The following MAGI3 variants were observed in gnomAD, a reference collection of about 807,000 sequenced individuals.
MAGI3 encodes the protein membrane associated guanylate kinase, WW and PDZ domain containing 3.
In MAGI3, 43 loss-of-function variants were observed where a neutral mutation model predicts 121.8. The observed-to-expected ratio is 0.35, with a 90% confidence interval of 0.28 to 0.46. The LOEUF (loss-of-function observed/expected upper bound fraction) is 0.46, where lower values mean the gene tolerates loss of function less well. Among genes scored for constraint, MAGI3 ranks in the 20% least tolerant of loss-of-function variants. The pLI is 1.00. For synonymous variants in MAGI3, 553 were observed against 639.3 expected (o/e 0.86, Z 2.04); for missense variants, 1,547 against 1,797.3 (o/e 0.86, Z 2.52).
intron 1 of MAGI3, among the ~76,000 whole-genome samples, chr1:113,524,369 T>C (rs12021500): frequency 0.24 from 36,613 of 151,660 alleles, 5,076 homozygotes; most frequent in East Asian, 0.63. Flanking sequence ...CCAGAAAAGC[T>C]GCAGACACTC....
rs565491283 is a variant in MAGI3, at chr1:113,495,492, T to C, written c.317-54023T>C. On this transcript the variant is annotated intron_variant, in intron 1 of 20. Transcript: ENST00000307546. ...AGTGTACACTGTACTCAGTGTGTAG[T>C]CTTTTATCCCTAACTCCTCTTCCAC... is the stretch of plus-strand genomic sequence containing the variant. 5.9e-5 allele frequency among the ~76,000 whole-genome samples: 9 copies of C among 152,194 alleles called. No individual in the cohort carries two copies. The East Asian group carries it at 1.5e-3, about 26-fold the overall frequency.
intron 2 of MAGI3, among the ~76,000 whole-genome samples, chr1:113,562,723 A>T (rs986866847): frequency 6.6e-6 from 1 of 152,188 alleles, no homozygotes; most frequent in African/African-American, 2.4e-5. Context: ...ATCAGTAAGA[A>T]TAGCTAATGA....
intron 6 of MAGI3, among the ~76,000 whole-genome samples, chr1:113,608,560 C>T (rs559604876): frequency 9.2e-5 from 14 of 152,278 alleles, no homozygotes; most frequent in African/African-American, 2.4e-4. Flanking sequence ...CTCCTCCCAA[C>T]GGGCAGACAT....
At chr1:113,525,338 C>G (rs1260379456) in intron 1 of MAGI3, among the ~76,000 whole-genome samples, 3 of 152,092 alleles carry the variant, frequency 2.0e-5, no homozygotes, top group Non-Finnish European at 4.4e-5. Context: ...ACTCTTCAGT[C>G]TGTTAATTTA....
chr1:113,633,238 ATTTTTTTTTTTTTTTTTTTTTTTTTTTT>A (rs71090716), intron 9 of MAGI3, among the ~76,000 whole-genome samples: 9 of 56,642 alleles, frequency 1.6e-4, no homozygotes, highest in African/African-American at 2.7e-4. Context: ...TGAACTCATC[ATTTTTTTTTTTTTTTTTTTTTTTTTTTT>A]TTTTTTTTTT....
chr1:113,640,943 A>AAT (rs1652427045), intron 9 of MAGI3, among the ~76,000 whole-genome samples: 1 of 134,838 alleles, frequency 7.4e-6, no homozygotes, highest in Non-Finnish European at 1.6e-5. Context: ...CATATATATA[A>AAT]ATATATATAA....
At chr1:113,405,462 G>A (rs1404000954) in intron 1 of MAGI3, among the ~76,000 whole-genome samples, 1 of 91,240 alleles carries the variant, frequency 1.1e-5, no homozygotes, top group Non-Finnish European at 1.9e-5. Flanking sequence ...GGGCAACAGA[G>A]TGAAACTGTC....
intron 1 of MAGI3, among the ~76,000 whole-genome samples, chr1:113,477,860 A>C (rs909075825): frequency 6.6e-6 from 1 of 152,196 alleles, no homozygotes. Flanking sequence ...ACTTTCAGGT[A>C]CACCAATCAA....
chr1:113,536,062 T>C (rs1250246200), intron 1 of MAGI3, among the ~76,000 whole-genome samples: 1 of 152,020 alleles, frequency 6.6e-6, no homozygotes, highest in Non-Finnish European at 1.5e-5. Flanking sequence ...CCAACTATTA[T>C]GGCTTCTACC....
At position 113,683,500 on chromosome 1, in the gene MAGI3, G is replaced by A; in HGVS notation, c.3932G>A (p.Gly1311Asp). 6.2e-7 allele frequency: 1 copy of A among 1,613,944 alleles called. No individual in the cohort carries two copies. Among genetic ancestry groups the A allele is most frequent in the Non-Finnish European group, 8.5e-7 (1 of 1,179,892 alleles). ...PSNAEAKLLEGKSRRIAGYTG... is the reference protein window; with the variant it reads ...PSNAEAKLLEDKSRRIAGYTG... Reference sequence around the variant, plus strand: ...AATGCTGAGGCCAAATTATTAGAGGGTAAGAGTCGAAGAATAGCAGGCTAT... The same window carrying A: ...AATGCTGAGGCCAAATTATTAGAGGATAAGAGTCGAAGAATAGCAGGCTAT... The change falls in exon 21 of 21, where the codon GGT (glycine) becomes GAT (aspartate). Residue 1311 changes from glycine to aspartate, a missense_variant. Physicochemically the swap from Gly to Asp is moderately conservative, Grantham distance 94. Transcript: ENST00000307546.
At chr1:113,574,829 A>G (rs1283832919) in intron 2 of MAGI3, among the ~76,000 whole-genome samples, 1 of 152,100 alleles carries the variant, frequency 6.6e-6, no homozygotes, top group Non-Finnish European at 1.5e-5. Context: ...ATACCAGTCA[A>G]TCATAGGTTT....
In MAGI3 at chr1:113,671,729, A is replaced by T; in HGVS notation, c.2816-5A>T. 1 of 1,613,742 alleles carries T rather than the reference A, an allele frequency of 6.2e-7. No individual in the cohort carries two copies. Among genetic ancestry groups the T allele is most frequent in the Non-Finnish European group, 8.5e-7 (1 of 1,179,662 alleles). ...CTTATTTCTATTGTTTTCTCATTTG[A>T]ACAGAGCATCATGGTCCACCATCAG... On this transcript the variant is annotated splice_polypyrimidine_tract_variant and splice_region_variant and intron_variant, in intron 16 of 20. Transcript: ENST00000307546.
chr1:113,486,261 G>A (rs749269260), intron 1 of MAGI3, among the ~76,000 whole-genome samples: 25 of 152,096 alleles, frequency 1.6e-4, no homozygotes, highest in Non-Finnish European at 2.8e-4. Flanking sequence ...GTTTGATATT[G>A]GGAATTGCAT....
At chr1:113,646,273 T>A (rs966988749) in intron 11 of MAGI3, among the ~76,000 whole-genome samples, 8 of 152,212 alleles carry the variant, frequency 5.3e-5, no homozygotes, top group African/African-American at 1.9e-4. Flanking sequence ...TTGATATTAC[T>A]ATAAACTTTT....
intron 1 of MAGI3, among the ~76,000 whole-genome samples, chr1:113,402,817 G>A (rs763965059): frequency 2.6e-5 from 4 of 152,098 alleles, no homozygotes; most frequent in Admixed American, 6.5e-5. Context: ...CTCAGGCCAC[G>A]TAAAGCTGGC....
chr1:113,556,032 T>A (rs1379394173), intron 2 of MAGI3, among the ~76,000 whole-genome samples: 1 of 152,150 alleles, frequency 6.6e-6, no homozygotes, highest in East Asian at 1.9e-4. Context: ...TTGAAATGTA[T>A]CAAACACAAT....
chr1:113,487,705 G>A (rs1461112546), intron 1 of MAGI3, among the ~76,000 whole-genome samples: 1 of 150,672 alleles, frequency 6.6e-6, no homozygotes, highest in South Asian at 2.1e-4. Context: ...AAAGAAAAAT[G>A]TCATCTATAG....
chr1:113,668,615 G>A (rs914268111), intron 16 of MAGI3, among the ~76,000 whole-genome samples: 7 of 119,054 alleles, frequency 5.9e-5, no homozygotes, highest in East Asian at 4.5e-4. Context: ...TCGCTCTGTC[G>A]CCCAGGCCGG....
intron 2 of MAGI3, among the ~76,000 whole-genome samples, chr1:113,554,866 C>A (rs759144688): frequency 1.2e-4 from 19 of 152,234 alleles, no homozygotes; most frequent in Non-Finnish European, 2.1e-4. Flanking sequence ...TGGCATGTGC[C>A]TGTAATCTCA....
Sources: gnomAD v4.1 joint callset for allele counts (sites outside exome capture counted in the v4.1 genomes callset) on GRCh38, gnomAD v4.1.1 for gene constraint, MANE v1.5 for transcripts, NCBI Gene and HGNC (gene_info 2026-07-23, HGNC 2026-07-21) for gene names.